Variants in MRAP2 observed in about 807,000 individuals in gnomAD.
MRAP2 encodes the protein melanocortin-2 receptor accessory protein 2.
In MRAP2, 20 loss-of-function variants were observed where a neutral mutation model predicts 17.4. The ratio of observed to expected loss-of-function variants is 1.15; its 90% CI spans 0.81 to 1.67. MRAP2 has a LOEUF of 1.67. MRAP2 is among the 40% of genes most tolerant of loss of function. The probability of loss-of-function intolerance (pLI) is 0.00; values close to 1 mark genes in which losing one functional copy is unlikely to be tolerated. For missense variants in MRAP2, 238 were observed against 240.0 expected (o/e 0.99, Z 0.05); for synonymous variants, 96 against 88.4 (o/e 1.09, Z -0.48).
At chr6:84,100,015 A>C in the MRAP2 span, among the ~76,000 whole-genome samples, 2 of 152,032 alleles carry the variant, frequency 1.3e-5, no homozygotes, top group Non-Finnish European at 2.9e-5. Context: ...GCATGCCCCC[A>C]TGCCCAGCAA....
At chr6:84,043,212 A>G (rs983723148) in intron 1 of MRAP2, among the ~76,000 whole-genome samples, 3 of 152,226 alleles carry the variant, frequency 2.0e-5, no homozygotes, top group Non-Finnish European at 4.4e-5. Context: ...AAATCTTTAA[A>G]GTTTTAATTC....
At chr6:84,051,463 G>A (rs993888900) in intron 1 of MRAP2, among the ~76,000 whole-genome samples, 8 of 152,108 alleles carry the variant, frequency 5.3e-5, no homozygotes, top group East Asian at 1.9e-4. Flanking sequence ...AGGCTGAGGC[G>A]GGAGAATCAC....
At chr6:84,041,883 G>A (rs1402585870) in intron 1 of MRAP2, among the ~76,000 whole-genome samples, 1 of 152,224 alleles carries the variant, frequency 6.6e-6, no homozygotes, top group Admixed American at 6.5e-5. Flanking sequence ...TTGAGTTAAT[G>A]CTGGAATGAG....
At chr6:84,138,937 G>A in the MRAP2 span, among the ~76,000 whole-genome samples, 13 of 152,178 alleles carry the variant, frequency 8.5e-5, no homozygotes, top group Admixed American at 3.3e-4. Flanking sequence ...TGACACTTGC[G>A]TAATTGTAGA....
downstream of MRAP2, among the ~76,000 whole-genome samples, chr6:84,092,222 T>C (rs146867456): frequency 1.9e-4 from 29 of 152,332 alleles, no homozygotes; most frequent in African/African-American, 6.5e-4. Flanking sequence ...CTTCATTTAA[T>C]CACATCTGTA....
At chr6:84,096,744 A>G in the MRAP2 span, among the ~76,000 whole-genome samples, 1 of 152,056 alleles carries the variant, frequency 6.6e-6, no homozygotes, top group Admixed American at 6.5e-5. Context: ...TGGGGCACAA[A>G]TTGCACTACA....
chr6:84,051,221 C>T (rs529441311), intron 1 of MRAP2, among the ~76,000 whole-genome samples: 2 of 152,312 alleles, frequency 1.3e-5, no homozygotes, highest in South Asian at 4.1e-4. Context: ...TACATCTCCT[C>T]AAATTCAGGG....
At chr6:84,076,825 C>A (rs928981483) in intron 3 of MRAP2, among the ~76,000 whole-genome samples, 2 of 152,146 alleles carry the variant, frequency 1.3e-5, no homozygotes, top group Non-Finnish European at 1.5e-5. Flanking sequence ...AAAATCTCAT[C>A]AAAAATCTGG....
At chr6:84,079,654 A>G (rs1473248135) in intron 3 of MRAP2, among the ~76,000 whole-genome samples, 1 of 152,226 alleles carries the variant, frequency 6.6e-6, no homozygotes, top group Non-Finnish European at 1.5e-5. Context: ...AGGCTCTCTG[A>G]AAGAAAATGA....
At chr6:84,050,684 A>G (rs2099490214) in intron 1 of MRAP2, among the ~76,000 whole-genome samples, 2 of 152,372 alleles carry the variant, frequency 1.3e-5, no homozygotes, top group Non-Finnish European at 2.9e-5. Context: ...GGGGACAGTC[A>G]TTCCTGGAAG....
At chr6:84,126,608 T>C in the MRAP2 span, 11 of 859,750 alleles carry the variant, frequency 1.3e-5, no homozygotes, top group South Asian at 2.2e-4. Flanking sequence ...TTTCTCTATA[T>C]AAGTAAGAGG....
At chr6:84,082,551 C>CT (rs1251089740) in intron 3 of MRAP2, among the ~76,000 whole-genome samples, 1 of 152,128 alleles carries the variant, frequency 6.6e-6, no homozygotes, top group East Asian at 1.9e-4. Context: ...ATTCTCTTTT[C>CT]TTTTTAACCT....
intron 2 of MRAP2, among the ~76,000 whole-genome samples, chr6:84,060,991 G>A (rs1167246573): frequency 1.1e-4 from 16 of 151,778 alleles, no homozygotes; most frequent in South Asian, 8.3e-4. Flanking sequence ...GAGCCACTGC[G>A]CCTGGCCCTT....
At chr6:84,122,990 C>T in the MRAP2 span, among the ~76,000 whole-genome samples, 4 of 151,880 alleles carry the variant, frequency 2.6e-5, no homozygotes, top group East Asian at 7.7e-4. Context: ...TAGCTACACA[C>T]ACACACACGC....
the MRAP2 span, among the ~76,000 whole-genome samples, chr6:84,105,325 A>G: frequency 2.0e-5 from 3 of 152,224 alleles, no homozygotes; most frequent in Non-Finnish European, 2.9e-5. Context: ...AATTGGACTT[A>G]CAGTTCCACG....
the MRAP2 span, among the ~76,000 whole-genome samples, chr6:84,100,888 C>A: frequency 6.6e-6 from 1 of 152,232 alleles, no homozygotes; most frequent in Admixed American, 6.5e-5. Flanking sequence ...GAGAGACCTG[C>A]AGAAGACATG....
chr6:84,133,429 C>T, the MRAP2 span, among the ~76,000 whole-genome samples: 1 of 152,214 alleles, frequency 6.6e-6, no homozygotes, highest in East Asian at 1.9e-4. Flanking sequence ...TTTCTGCTGC[C>T]TTTTGTTTGG....
chr6:84,126,594 A>G, the MRAP2 span: 1 of 1,062,608 alleles, frequency 9.4e-7, no homozygotes, highest in Non-Finnish European at 1.3e-6. Context: ...ATATTTGTAT[A>G]AAATTTCTCT....
At chr6:84,139,907 G>T in the MRAP2 span, among the ~76,000 whole-genome samples, 11 of 150,410 alleles carry the variant, frequency 7.3e-5, no homozygotes, top group Non-Finnish European at 1.2e-4. Flanking sequence ...GGTCATATAA[G>T]CCTGTTGTTC....
Sources: allele counts gnomAD v4.1 joint callset (sites outside exome capture counted in the v4.1 genomes callset), GRCh38; gene constraint gnomAD v4.1.1; transcripts MANE v1.5; gene names NCBI Gene and HGNC (gene_info 2026-07-23, HGNC 2026-07-21).